Variants in PRPF38B observed in about 807,000 individuals in gnomAD.
The protein encoded by PRPF38B is pre-mRNA-splicing factor 38B.
A neutral mutation model predicts 67.2 loss-of-function variants in PRPF38B; 18 were observed. The observed-to-expected ratio is 0.27, with a 90% CI of 0.19 to 0.40. The LOEUF is 0.40. PRPF38B is among the 10% of genes least tolerant of loss of function. The probability of loss-of-function intolerance (pLI) is 1.00; values close to 1 mark genes in which losing one functional copy is unlikely to be tolerated. For synonymous variants in PRPF38B, 246 were observed against 234.2 expected, an observed-to-expected ratio of 1.05 and a Z score of -0.46; for missense variants, 544 against 684.9, an observed-to-expected ratio of 0.79 and a Z score of 2.30.
At position 108,700,109 on chromosome 1, in the gene PRPF38B, A is replaced by C. The variant is rs945447233; in HGVS notation, c.*89A>C. On this transcript the variant is annotated 3_prime_UTR_variant, in exon 6 of 6. Transcript: ENST00000370025. Reference sequence around the variant, plus strand: ...ACGTTGAGATTGTGCAGTAGTTCGCACTCCTCAAGCTCTCCCTGTAGGCTG... The same window carrying C: ...ACGTTGAGATTGTGCAGTAGTTCGCCCTCCTCAAGCTCTCCCTGTAGGCTG... The C allele has an allele frequency of 7.4e-6, 11 of 1,490,948 alleles. No individual in the cohort carries two copies. The highest frequency in any genetic ancestry group is 9.8e-6 in the Non-Finnish European group (11 of 1,125,274). The allele number at this position is 1,490,948 out of a possible 1,614,324, so 92.4% of individuals were successfully genotyped here. A position where few individuals can be genotyped will look rare whatever the true frequency, so the allele number is the denominator to read the frequency against.
At chr1:108,695,567 T>C (rs1291802713) in intron 1 of PRPF38B, 135 bp from the exon 2 acceptor site, 4 of 756,766 alleles carry the variant, frequency 5.3e-6, no homozygotes, top group East Asian at 5.5e-5. Flanking sequence ...ACACACTTAA[T>C]ATCAGTAAAC....
intron 1 of PRPF38B, chr1:108,693,699 C>G: frequency 1.1e-6 from 1 of 907,672 alleles, no homozygotes; most frequent in Non-Finnish European, 1.3e-6. Context: ...GTTAAATGAA[C>G]GACTAATTAG....
At position 108,701,442 on chromosome 1, in the gene PRPF38B, A is replaced by G. The variant is rs1165185492; in HGVS notation, c.*1422A>G. Reference sequence around the variant, plus strand: ...TCATTTGATTACTTTGTTCCATGTCAAAGACGTTTATTGGGATACCTTTTA... The same window carrying G: ...TCATTTGATTACTTTGTTCCATGTCGAAGACGTTTATTGGGATACCTTTTA... On this transcript the variant is annotated 3_prime_UTR_variant, in exon 6 of 6. Coordinates refer to ENST00000370025, the MANE Select transcript of PRPF38B (RefSeq NM_018061.4). The G allele has an allele frequency of 6.6e-6, 1 of 152,240 alleles. No homozygotes were observed. The highest frequency in any genetic ancestry group is 1.9e-4 in the East Asian group (1 of 5,194). 9.4% of individuals were successfully genotyped at this position (152,240 alleles called of 1,614,324 possible). A position where few individuals can be genotyped will look rare whatever the true frequency, so the allele number is the denominator to read the frequency against.
chr1:108,695,017 G>A (rs1659734208), intron 1 of PRPF38B, among the ~76,000 whole-genome samples: 1 of 152,056 alleles, frequency 6.6e-6, no homozygotes, highest in African/African-American at 2.4e-5. Flanking sequence ...ACATAATTAG[G>A]CTGAAGCTTA....
intron 1 of PRPF38B, among the ~76,000 whole-genome samples, chr1:108,693,187 C>T (rs902339093): frequency 1.3e-5 from 2 of 152,172 alleles, no homozygotes; most frequent in Non-Finnish European, 2.9e-5. Flanking sequence ...TTCCAGTTTA[C>T]AGCTTTAAAA....
Position 108,696,037 on chromosome 1 carries a change from C to A in PRPF38B, c.346-6C>A. ...ACTACTTTTTCTTAACTCGTTTCCC[C>A]TAAAGGTTCGAGGTGTTGGAACAGG... On this transcript the variant is annotated splice_polypyrimidine_tract_variant and splice_region_variant and intron_variant, in intron 2 of 5. Coordinates refer to ENST00000370025, the MANE Select transcript of PRPF38B (RefSeq NM_018061.4). 1.2e-6 allele frequency: 2 copies of A among 1,611,194 alleles called. No individual in the cohort carries two copies. Among genetic ancestry groups the A allele is most frequent in the South Asian group, 2.2e-5 (2 of 90,362 alleles).
intron 2 of PRPF38B, 21 bp from the exon 3 acceptor site, chr1:108,696,022 C>A: frequency 6.2e-7 from 1 of 1,603,626 alleles, no homozygotes; most frequent in Non-Finnish European, 8.5e-7. Context: ...ACTACTTTTT[C>A]TTAACTCGTT....
chr1:108,694,479 A>G (rs963629088), intron 1 of PRPF38B, among the ~76,000 whole-genome samples: 3 of 152,242 alleles, frequency 2.0e-5, no homozygotes, highest in Admixed American at 6.5e-5. Context: ...TAAGACTTTC[A>G]GATCAAATAC....
Position 108,699,518 on chromosome 1 carries a change from A to G in PRPF38B, c.1139A>G (p.Lys380Arg). ...AAGGAAAGAGGAAATGAACGAGAAA[A>G]AGAGAGAGAGCGATCAAGAGAAAGG... is the stretch of plus-strand genomic sequence containing the variant. ...YDKERGNERE[K>R]ERERSRERSK... The change falls in exon 6 of 6, where the codon AAA (lysine) becomes AGA (arginine). Residue 380 changes from lysine to arginine, a missense_variant. Coordinates refer to ENST00000370025, the MANE Select transcript of PRPF38B (RefSeq NM_018061.4). The G allele has an allele frequency of 6.4e-7, 1 of 1,565,872 alleles. No homozygotes were observed. Among genetic ancestry groups the G allele is most frequent in the Non-Finnish European group, 8.7e-7 (1 of 1,155,064 alleles).
chr1:108,697,269 C>T (rs1659962877), intron 4 of PRPF38B: 1 of 152,556 alleles, frequency 6.6e-6, no homozygotes, highest in African/African-American at 2.4e-5. Context: ...ATCATATATG[C>T]ATTAATTTAC....
At chr1:108,696,513 G>T in intron 4 of PRPF38B, 176 bp downstream of exon 4, 1 of 630,818 alleles carries the variant, frequency 1.6e-6, no homozygotes, top group Non-Finnish European at 2.7e-6. Context: ...ATGTATTTTA[G>T]GGTAAATTTC....
intron 1 of PRPF38B, among the ~76,000 whole-genome samples, chr1:108,695,301 A>C (rs1366224629): frequency 6.6e-6 from 1 of 151,716 alleles, no homozygotes; most frequent in Non-Finnish European, 1.5e-5. Flanking sequence ...TGGAGACTTA[A>C]ATCCATTTTT....
chr1:108,698,484 A>G lies in PRPF38B; in HGVS notation c.559-120A>G, dbSNP rs898767702. 6.5e-6 allele frequency: 5 copies of G among 773,590 alleles called. No homozygotes were observed. The African/African-American group carries it at 8.8e-5, about 14-fold the overall frequency. 47.9% of individuals were successfully genotyped at this position (773,590 alleles called of 1,614,324 possible). The stretch of plus-strand genomic sequence containing the variant: ...CATTGTCAGATCAGGATATGAAAAT[A>G]AAATTTTTCTGTTAGTTTTTTTTGT... On this transcript the variant is annotated intron_variant, in intron 4 of 5. Transcript: ENST00000370025.
rs753740782 is a variant in PRPF38B, at chr1:108,692,551, C to T, written c.-41C>T. On this transcript the variant is annotated 5_prime_UTR_variant, in exon 1 of 6. Coordinates refer to ENST00000370025, the MANE Select transcript of PRPF38B (RefSeq NM_018061.4). ...GAAGAGCGAGATCGAGCTTGGCCCC[C>T]TCCCCCCCCTCCTTCCCTCCCTCCT... is the stretch of plus-strand genomic sequence containing the variant. The T allele has an allele frequency of 4.7e-6, 7 of 1,476,832 alleles. No individual in the cohort carries two copies. The highest frequency in any genetic ancestry group is 4.2e-5 in the Admixed American group (2 of 47,084). The allele number at this position is 1,476,832 out of a possible 1,614,324, so 91.5% of individuals were successfully genotyped here.
chr1:108,695,610 C>G lies in PRPF38B; in HGVS notation c.277-92C>G, dbSNP rs956630748. The G allele has an allele frequency of 4.1e-6, 5 of 1,209,430 alleles. No homozygotes were observed. The African/African-American group carries it at 7.7e-5, about 19-fold the overall frequency. The allele number at this position is 1,209,430 out of a possible 1,614,324, so 74.9% of individuals were successfully genotyped here. ...TAATGCCAAAATAATTTTGGAAGAGCTGCTCTATTATGGACTTGGGTTTAC... is the reference window on the plus strand; with the variant it reads ...TAATGCCAAAATAATTTTGGAAGAGGTGCTCTATTATGGACTTGGGTTTAC... On this transcript the variant is annotated intron_variant, in intron 1 of 5. Coordinates refer to ENST00000370025, the MANE Select transcript of PRPF38B (RefSeq NM_018061.4).
At position 108,699,880 on chromosome 1, in the gene PRPF38B, A is replaced by G. The variant is rs1557772809; in HGVS notation, c.1501A>G (p.Ser501Gly). Reference sequence around the variant, plus strand: ...CAGCAAAGAAAAATCTAGAAAGCGTAGTAGAAGCAAAGAACGTTCCCACAA... The same window carrying G: ...CAGCAAAGAAAAATCTAGAAAGCGTGGTAGAAGCAAAGAACGTTCCCACAA... ...SPSKEKSRKR[S>G]RSKERSHKRD... The change falls in exon 6 of 6, where the codon AGT becomes GGT. Residue 501 changes from serine to glycine, a missense_variant. Around this residue, in one of 5 missense-constraint regions of PRPF38B, gnomAD observed 387 missense variants for 386.1 expected, o/e 1.00. Coordinates refer to ENST00000370025, the MANE Select transcript of PRPF38B (RefSeq NM_018061.4). The G allele has an allele frequency of 6.2e-7, 1 of 1,614,184 alleles. No homozygotes were observed. The highest frequency in any genetic ancestry group is 8.5e-7 in the Non-Finnish European group (1 of 1,179,990).
In PRPF38B at chr1:108,701,756, G is replaced by T. The variant is rs1413236071; in HGVS notation, c.*1736G>T. The stretch of plus-strand genomic sequence containing the variant: ...TCCTCCATATGTGGGCTTAACATAT[G>T]TACCACTCCATTTTAGAAAAATCTC... On this transcript the variant is annotated 3_prime_UTR_variant, in exon 6 of 6. Transcript: ENST00000370025. 1 of 152,188 alleles carries T rather than the reference G, an allele frequency of 6.6e-6. No homozygotes were observed. The highest frequency in any genetic ancestry group is 1.5e-5 in the Non-Finnish European group (1 of 68,040). The allele number at this position is 152,188 out of a possible 1,614,324, so 9.4% of individuals were successfully genotyped here.
Position 108,699,482 on chromosome 1 carries a change from G to A in PRPF38B, c.1103G>A (p.Arg368His), listed in dbSNP as rs867188063. Residue 368 changes from arginine to histidine, a missense_variant, in exon 6 of 6, where the codon CGT becomes CAT. Around this residue, in one of 5 missense-constraint regions of PRPF38B, gnomAD observed 387 missense variants for 386.1 expected, o/e 1.00. Coordinates refer to ENST00000370025, the MANE Select transcript of PRPF38B (RefSeq NM_018061.4). ...AATGAGAGAGGTAGAAGACGAGATC[G>A]TGACTATGATAAGGAAAGAGGAAAT... ...KENERGRRRDRDYDKERGNER... is the reference protein window; with the variant it reads ...KENERGRRRDHDYDKERGNER... The A allele has an allele frequency of 1.0e-5, 16 of 1,600,000 alleles. No individual in the cohort carries two copies. The highest frequency in any genetic ancestry group is 1.4e-5 in the Non-Finnish European group (16 of 1,173,010).
chr1:108,693,500 C>T, intron 1 of PRPF38B: 2 of 547,598 alleles, frequency 3.7e-6, no homozygotes, highest in Non-Finnish European at 4.7e-6. Flanking sequence ...TGGGCTTCTG[C>T]GGCAGGGTCG....
Sources: allele counts gnomAD v4.1 joint callset (sites outside exome capture counted in the v4.1 genomes callset), GRCh38; gene constraint gnomAD v4.1.1; regional missense constraint gnomAD v4.1.1; transcripts MANE v1.5; gene names NCBI Gene and HGNC (gene_info 2026-07-23, HGNC 2026-07-21).